KCNMA1: variants seen among roughly 807,000 people sequenced by gnomAD.
KCNMA1 encodes the protein Calcium-activated potassium channel subunit alpha-1.
A neutral mutation model predicts 140.0 loss-of-function variants in KCNMA1; 29 were observed. The observed-to-expected ratio is 0.21, with a 90% CI of 0.15 to 0.28. The LOEUF is 0.28. Ranked by LOEUF, KCNMA1 falls within the 10% of genes least tolerant of loss-of-function variation. The probability of loss-of-function intolerance (pLI) is 1.00; values close to 1 mark genes in which losing one functional copy is unlikely to be tolerated. For synonymous variants in KCNMA1, 612 were observed against 611.9 expected, an observed-to-expected ratio of 1.00 and a Z score of 0.00; for missense variants, 880 against 1,602.2, an observed-to-expected ratio of 0.55 and a Z score of 7.70.
At chr10:77,152,663 T>C (rs546431720) in intron 5 of KCNMA1, among the ~76,000 whole-genome samples, 1 of 152,252 alleles carries the variant, frequency 6.6e-6, no homozygotes, top group South Asian at 2.1e-4. Flanking sequence ...ATTAAGTCCC[T>C]AGCACTTACG....
At chr10:77,592,519 T>C (rs976825873) in intron 1 of KCNMA1, among the ~76,000 whole-genome samples, 2 of 152,194 alleles carry the variant, frequency 1.3e-5, no homozygotes, top group Non-Finnish European at 2.9e-5. Context: ...TGTACTAATT[T>C]GCAAATTTTC....
At chr10:77,215,906 C>CT (rs2047621305) in intron 3 of KCNMA1, among the ~76,000 whole-genome samples, 1 of 139,022 alleles carries the variant, frequency 7.2e-6, no homozygotes, top group African/African-American at 2.7e-5. Context: ...TCTCCTCTCT[C>CT]CTCTCTCTCT....
intron 3 of KCNMA1, 41 bp from the exon 4 acceptor site, chr10:77,184,957 G>A (rs2098836523): frequency 3.4e-6 from 4 of 1,167,792 alleles, no homozygotes; most frequent in Non-Finnish European, 5.2e-6. Context: ...GTAAATGACA[G>A]GTAGTATCAT....
chr10:77,183,920 T>C (rs1248588127), intron 4 of KCNMA1, among the ~76,000 whole-genome samples: 2 of 152,336 alleles, frequency 1.3e-5, no homozygotes, highest in Non-Finnish European at 1.5e-5. Flanking sequence ...ACTAACTATA[T>C]GCTATGCTAG....
intron 2 of KCNMA1, among the ~76,000 whole-genome samples, chr10:77,384,416 C>T (rs376763336): frequency 1.3e-5 from 2 of 152,210 alleles, no homozygotes; most frequent in Non-Finnish European, 2.9e-5. Context: ...GTGCTCGGAT[C>T]ATTGGTGGCT....
At chr10:76,979,543 C>T (rs1206656661) in intron 19 of KCNMA1, 3 of 152,002 alleles carry the variant, frequency 2.0e-5, no homozygotes, top group African/African-American at 7.2e-5. Flanking sequence ...ATTTCATTTC[C>T]ATTTTCACTT....
intron 1 of KCNMA1, chr10:77,637,048 G>A (rs940946119): frequency 3.6e-6 from 5 of 1,393,026 alleles, no homozygotes; most frequent in Non-Finnish European, 3.7e-6. Flanking sequence ...CCGCGTCCCG[G>A]AGCGCACTGG....
At chr10:77,009,760 G>A (rs780164962) in intron 18 of KCNMA1, among the ~76,000 whole-genome samples, 19 of 151,848 alleles carry the variant, frequency 1.3e-4, no homozygotes, top group Admixed American at 7.9e-4. Context: ...ACCTTTGCTC[G>A]TCTCCCTATC....
intron 20 of KCNMA1, among the ~76,000 whole-genome samples, chr10:76,955,982 C>A (rs1039887635): frequency 6.6e-6 from 1 of 152,138 alleles, no homozygotes. Flanking sequence ...CTCAGGATGA[C>A]CTGAGACCTG....
chr10:77,555,810 A>G (rs914198140), intron 1 of KCNMA1, among the ~76,000 whole-genome samples: 5 of 152,218 alleles, frequency 3.3e-5, no homozygotes, highest in African/African-American at 1.2e-4. Flanking sequence ...CATATGCCTC[A>G]TGGAAGGCAT....
chr10:77,004,737 T>C (rs2087803412), intron 18 of KCNMA1, among the ~76,000 whole-genome samples: 2 of 152,148 alleles, frequency 1.3e-5, no homozygotes, highest in South Asian at 4.1e-4. Context: ...ACCCCTCATC[T>C]CTCTCAACTC....
At chr10:77,044,995 C>G (rs1182136553) in intron 14 of KCNMA1, among the ~76,000 whole-genome samples, 1 of 152,128 alleles carries the variant, frequency 6.6e-6, no homozygotes, top group Non-Finnish European at 1.5e-5. Context: ...ACTCTGTAGC[C>G]TATGACTTTA....
intron 25 of KCNMA1, among the ~76,000 whole-genome samples, chr10:76,896,247 A>C (rs887663742): frequency 2.0e-5 from 3 of 152,164 alleles, no homozygotes. Flanking sequence ...GTTAATTATT[A>C]ATATTCCTTA....
intron 22 of KCNMA1, among the ~76,000 whole-genome samples, chr10:76,947,375 G>T (rs2152919728): frequency 6.6e-6 from 1 of 151,828 alleles, no homozygotes; most frequent in Non-Finnish European, 1.5e-5. Context: ...AAACAAAAAA[G>T]GTCACACAGG....
chr10:77,364,768 G>A (rs867973563), intron 2 of KCNMA1, among the ~76,000 whole-genome samples: 2 of 152,188 alleles, frequency 1.3e-5, no homozygotes, highest in South Asian at 2.1e-4. Flanking sequence ...CACAGCACCT[G>A]GGACAAGACC....
chr10:77,087,750 A>T (rs1201054861), intron 10 of KCNMA1, among the ~76,000 whole-genome samples: 2 of 152,180 alleles, frequency 1.3e-5, no homozygotes, highest in South Asian at 2.1e-4. Flanking sequence ...GACTGTCGAT[A>T]AGGTACCGTG....
At chr10:77,096,803 A>G (rs1420931866) in intron 9 of KCNMA1, among the ~76,000 whole-genome samples, 2 of 152,144 alleles carry the variant, frequency 1.3e-5, no homozygotes, top group Non-Finnish European at 2.9e-5. Context: ...AAACTATAAT[A>G]TTTATATCAA....
rs148950318 is a variant in KCNMA1 at position 77,012,093 on chromosome 10, G to A, written c.2016-50C>T. On this transcript the variant is annotated intron_variant, in intron 17 of 27. Transcript: ENST00000286628. The stretch of plus-strand genomic sequence containing the variant: ...GACACGTTTCATAATCCACCCAAAT[G>A]AAATGAGTACCACATTTCCTCCACG... The A allele has an allele frequency of 3.2e-4, 518 of 1,611,802 alleles. 2 individuals are homozygous for A. The highest frequency in any genetic ancestry group is 8.2e-4 in the Admixed American group (49 of 59,986).
intron 26 of KCNMA1, among the ~76,000 whole-genome samples, chr10:76,890,654 C>T (rs748164494): frequency 1.9e-4 from 29 of 152,220 alleles, no homozygotes; most frequent in African/African-American, 3.4e-4. Flanking sequence ...TCTTTCTGGG[C>T]GACACCATTG....
Sources: gnomAD v4.1 joint callset for allele counts (sites outside exome capture counted in the v4.1 genomes callset) on GRCh38, gnomAD v4.1.1 for gene constraint, MANE v1.5 for transcripts, NCBI Gene and HGNC (gene_info 2026-07-23, HGNC 2026-07-21) for gene names.